Variants in SOS1 observed in about 807,000 individuals in gnomAD.
SOS1 encodes son of sevenless homolog 1.
SOS1 carries 25 observed loss-of-function variants against 157.6 expected under a neutral mutation model. The ratio of observed to expected loss-of-function variants is 0.16; its 90% confidence interval spans 0.12 to 0.22. The LOEUF (loss-of-function observed/expected upper bound fraction) is 0.22, where lower values mean the gene tolerates loss of function less well. Among genes scored for constraint, SOS1 ranks in the 10% least tolerant of loss-of-function variants. SOS1 has a pLI of 1.00. For synonymous variants in SOS1, 528 were observed against 534.0 expected, an observed-to-expected ratio of 0.99 and a Z score of 0.16; for missense variants, 1,237 against 1,599.1, an observed-to-expected ratio of 0.77 and a Z score of 3.86.
At chr2:39,001,383 C>T (rs559224183) in intron 17 of SOS1, among the ~76,000 whole-genome samples, 1 of 152,144 alleles carries the variant, frequency 6.6e-6, no homozygotes, top group Non-Finnish European at 1.5e-5. Context: ...ATTTCTTAGC[C>T]CACCTATCCA....
At chr2:39,080,582 C>A (rs1180709967) in intron 1 of SOS1, among the ~76,000 whole-genome samples, 1 of 152,078 alleles carries the variant, frequency 6.6e-6, no homozygotes, top group East Asian at 1.9e-4. Flanking sequence ...TAAGTATTTT[C>A]TTCAATGAAT....
chr2:39,018,928 CAG>C (rs574754499), intron 10 of SOS1, among the ~76,000 whole-genome samples: 185 of 151,756 alleles, frequency 1.2e-3, no homozygotes, highest in African/African-American at 4.1e-3. Context: ...TTTAAAAAAT[CAG>C]AGAGTATAAA....
chr2:39,107,890 T>C (rs7574214), intron 1 of SOS1, among the ~76,000 whole-genome samples: 12,583 of 152,108 alleles, frequency 0.083, 1,861 homozygotes, highest in African/African-American at 0.29. Flanking sequence ...CTCAAAGCCT[T>C]GAGGCTATAC....
chr2:39,050,329 G>A (rs766441903), intron 6 of SOS1, among the ~76,000 whole-genome samples: 5 of 152,044 alleles, frequency 3.3e-5, no homozygotes, highest in African/African-American at 4.8e-5. Flanking sequence ...TTTCTATCTC[G>A]TGGTATCTGA....
chr2:39,103,603 C>A (rs77223098), intron 1 of SOS1, among the ~76,000 whole-genome samples: 237 of 152,250 alleles, frequency 1.6e-3, no homozygotes, highest in Middle Eastern at 3.4e-3. Context: ...AAAAGAATGA[C>A]GTTGGACTCC....
At chr2:38,992,993 T>G (rs910488268) in intron 20 of SOS1, 1 of 151,840 alleles carries the variant, frequency 6.6e-6, no homozygotes, top group Non-Finnish European at 1.5e-5. Flanking sequence ...CCCAGCACTT[T>G]GGAAGGTTAA....
chr2:39,055,157 C>T (rs1221706450), intron 4 of SOS1, among the ~76,000 whole-genome samples: 2 of 152,174 alleles, frequency 1.3e-5, no homozygotes, highest in African/African-American at 4.8e-5. Flanking sequence ...CTGCCATCAT[C>T]ACTTTATTCC....
intron 20 of SOS1, among the ~76,000 whole-genome samples, chr2:38,990,855 T>C (rs574169583): frequency 7.2e-4 from 109 of 152,340 alleles, no homozygotes; most frequent in African/African-American, 2.6e-3. Context: ...GAAATTCTTT[T>C]AGAATTTTAC....
At chr2:39,120,291 G>C (rs994981876) in intron 1 of SOS1, 45 bp downstream of exon 1, 1 of 1,520,704 alleles carries the variant, frequency 6.6e-7, no homozygotes, top group African/African-American at 1.4e-5. Context: ...CAGCGCCCGC[G>C]CTGGGGGGCT....
chr2:39,001,034 T>C (rs1257944032), intron 17 of SOS1, among the ~76,000 whole-genome samples: 1 of 152,212 alleles, frequency 6.6e-6, no homozygotes, highest in East Asian at 1.9e-4. Flanking sequence ...ACAAACCTGA[T>C]TAAGGTACAT....
intron 17 of SOS1, among the ~76,000 whole-genome samples, chr2:39,000,838 G>A (rs551171464): frequency 2.0e-5 from 3 of 152,330 alleles, no homozygotes; most frequent in South Asian, 2.1e-4. Context: ...AATGAAAGAA[G>A]TATATTGTTT....
Position 39,058,756 on chromosome 2 carries a change from C to G in SOS1, c.262G>C (p.Ala88Pro). 2 of 1,612,338 alleles carry G rather than the reference C, an allele frequency of 1.2e-6. No homozygotes were observed. Among genetic ancestry groups the G allele is most frequent in the Non-Finnish European group, 1.7e-6 (2 of 1,178,760 alleles). The change falls in exon 3 of 23, where the codon GCT becomes CCT. Residue 88 changes from alanine (A) to proline (P), a missense_variant. Around this residue, in one of 15 missense-constraint regions of SOS1, gnomAD observed 19 missense variants for 39.4 expected, o/e 0.48. Coordinates refer to ENST00000402219, the MANE Select transcript of SOS1 (RefSeq NM_005633.4). The part of the protein sequence containing the change: ...FPHPIDKWAI[A>P]DAQSAIEKRK... ...TTTTCAATAGCTGATTGGGCATCAG[C>G]TATTGCCCATTTATCAATTGGATGA...
chr2:39,040,305 C>A (rs1159785670), intron 6 of SOS1, among the ~76,000 whole-genome samples: 1 of 152,168 alleles, frequency 6.6e-6, no homozygotes, highest in Admixed American at 6.5e-5. Context: ...GCATGAGCCA[C>A]TGTGCCCGGC....
intron 1 of SOS1, among the ~76,000 whole-genome samples, chr2:39,106,369 T>C (rs1427159866): frequency 6.6e-6 from 1 of 151,850 alleles, no homozygotes; most frequent in African/African-American, 2.4e-5. Flanking sequence ...GGCGGGCGGA[T>C]CACGAGGTCA....
chr2:39,059,132 A>T (rs548951847), intron 2 of SOS1, among the ~76,000 whole-genome samples: 1 of 152,272 alleles, frequency 6.6e-6, no homozygotes, highest in African/African-American at 2.4e-5. Context: ...AACAACACCC[A>T]AGATCAAGAA....
chr2:38,987,311 A>T (rs1668586258), intron 22 of SOS1, among the ~76,000 whole-genome samples, 162 bp downstream of exon 22: 1 of 152,242 alleles, frequency 6.6e-6, no homozygotes, highest in Admixed American at 6.5e-5. Flanking sequence ...AGAAGAAAGA[A>T]ACATTACTGC....
At chr2:39,112,746 G>T (rs1002875564) in intron 1 of SOS1, among the ~76,000 whole-genome samples, 29 of 152,288 alleles carry the variant, frequency 1.9e-4, no homozygotes, top group African/African-American at 7.0e-4. Context: ...TCATGAAAAT[G>T]GAGGTGATTT....
intron 2 of SOS1, among the ~76,000 whole-genome samples, chr2:39,065,115 A>G (rs1671550443): frequency 6.6e-6 from 1 of 152,124 alleles, no homozygotes; most frequent in Admixed American, 6.5e-5. Flanking sequence ...TTTATGACTC[A>G]TCCCAAAACA....
rs1668488823 is a variant in SOS1, at chr2:38,984,343, C to T, written c.*1481G>A. 6.6e-6 allele frequency: 1 copy of T among 152,102 alleles called. No homozygotes were observed. Among genetic ancestry groups the T allele is most frequent in the Non-Finnish European group, 1.5e-5 (1 of 68,014 alleles). 9.4% of individuals were successfully genotyped at this position (152,102 alleles called of 1,614,324 possible). A position where few individuals can be genotyped will look rare whatever the true frequency, so the allele number is the denominator to read the frequency against. ...ATTTGTTAGACTCAGAAGAACAGTA[C>T]ATACGCTTTATGAATAATCCATATT... On this transcript the variant is annotated 3_prime_UTR_variant, in exon 23 of 23. Coordinates refer to ENST00000402219, the MANE Select transcript of SOS1 (RefSeq NM_005633.4).
Sources: gnomAD v4.1 joint callset for allele counts (sites outside exome capture counted in the v4.1 genomes callset) on GRCh38, gnomAD v4.1.1 for gene constraint, gnomAD v4.1.1 regional missense constraint, MANE v1.5 for transcripts, NCBI Gene and HGNC (gene_info 2026-07-23, HGNC 2026-07-21) for gene names.